DNAH9: variants seen among roughly 807,000 people sequenced by gnomAD.
DNAH9 encodes dynein axonemal heavy chain 9.
In DNAH9, 345 loss-of-function variants were observed where a neutral mutation model predicts 471.6. That is an observed-to-expected ratio of 0.73 (90% confidence interval 0.67 to 0.80). The LOEUF (loss-of-function observed/expected upper bound fraction) is 0.80. Ranked by LOEUF, DNAH9 falls within the 30% of genes least tolerant of loss-of-function variation. DNAH9 has a pLI of 0.00. For synonymous variants in DNAH9, 2,093 were observed against 2,123.6 expected, an observed-to-expected ratio of 0.99 and a Z score of 0.40; for missense variants, 5,407 against 5,609.2, an observed-to-expected ratio of 0.96 and a Z score of 1.15.
chr17:11,732,455 A>G (rs1391364134), intron 28 of DNAH9, among the ~76,000 whole-genome samples: 1 of 151,962 alleles, frequency 6.6e-6, no homozygotes, highest in African/African-American at 2.4e-5. Flanking sequence ...AGCTGCTGAC[A>G]GTTCTCCACC....
At chr17:11,608,709 A>T (rs773340313) in intron 2 of DNAH9, among the ~76,000 whole-genome samples, 1 of 152,216 alleles carries the variant, frequency 6.6e-6, no homozygotes, top group Non-Finnish European at 1.5e-5. Flanking sequence ...TACTCAGTAC[A>T]TAATGTCACA....
At chr17:11,885,739 T>C (rs1972859496) in intron 56 of DNAH9, among the ~76,000 whole-genome samples, 1 of 152,154 alleles carries the variant, frequency 6.6e-6, no homozygotes, top group Non-Finnish European at 1.5e-5. Context: ...TCTCAGTTCA[T>C]GAGATGCTAA....
intron 50 of DNAH9, among the ~76,000 whole-genome samples, chr17:11,866,902 G>A (rs185445501): frequency 5.3e-5 from 8 of 152,302 alleles, no homozygotes; most frequent in East Asian, 1.9e-4. Context: ...GGAGTGACCC[G>A]ATTTTCCAGG....
intron 19 of DNAH9, among the ~76,000 whole-genome samples, chr17:11,688,172 C>T (rs546866084): frequency 4.7e-5 from 7 of 148,810 alleles, no homozygotes; most frequent in South Asian, 2.1e-4. Context: ...TATGCAGGAA[C>T]GCATGCTTTG....
rs187338643 is a variant in DNAH9, at chr17:11,853,696, G to A, written c.9508-307G>A. Among the ~76,000 whole-genome samples, 138 of 152,304 alleles carry A rather than the reference G, an allele frequency of 9.1e-4. 1 individual carries two copies. The highest frequency in any genetic ancestry group is 6.8e-3 in the Middle Eastern group (2 of 294). On this transcript the variant is annotated intron_variant, in intron 49 of 68. Coordinates refer to ENST00000262442, the MANE Select transcript of DNAH9 (RefSeq NM_001372.4). Reference sequence around the variant, plus strand: ...TTCATAGCATGCTGCATATTTCAGAGTATGTCGGCATCCTTGTATTTCTCA... The same window carrying A: ...TTCATAGCATGCTGCATATTTCAGAATATGTCGGCATCCTTGTATTTCTCA...
intron 26 of DNAH9, among the ~76,000 whole-genome samples, chr17:11,713,637 G>A (rs1223913385): frequency 3.3e-5 from 5 of 150,240 alleles, no homozygotes; most frequent in Non-Finnish European, 7.5e-5. Context: ...TATGGACCAT[G>A]CATTTGGTGT....
intron 53 of DNAH9, among the ~76,000 whole-genome samples, chr17:11,876,775 A>G (rs1490841081): frequency 6.6e-6 from 1 of 152,120 alleles, no homozygotes; most frequent in African/African-American, 2.4e-5. Context: ...GCTGGAGTGC[A>G]GTGGTGCGAT....
chr17:11,912,475 G>C (rs537554427), intron 61 of DNAH9, among the ~76,000 whole-genome samples: 1 of 152,238 alleles, frequency 6.6e-6, no homozygotes, highest in East Asian at 1.9e-4. Context: ...GATTGAGAAA[G>C]TTGCCTTTTA....
intron 33 of DNAH9, among the ~76,000 whole-genome samples, chr17:11,755,527 G>A (rs951634203): frequency 2.6e-5 from 4 of 152,030 alleles, no homozygotes; most frequent in Non-Finnish European, 5.9e-5. Context: ...TTTTTGTAGG[G>A]ATCTTTCATG....
chr17:11,747,807 T>TC, intron 32 of DNAH9, 41 bp downstream of exon 32: 1 of 1,551,224 alleles, frequency 6.4e-7, no homozygotes, highest in Non-Finnish European at 8.9e-7. Flanking sequence ...TCTGCTAGCC[T>TC]CAGAGTCCCT....
intron 50 of DNAH9, among the ~76,000 whole-genome samples, chr17:11,855,997 C>T (rs1262633749): frequency 6.6e-6 from 1 of 152,104 alleles, no homozygotes; most frequent in African/African-American, 2.4e-5. Flanking sequence ...AGACTAGAGC[C>T]CAGCCCATGA....
At chr17:11,864,290 A>C (rs958284842) in intron 50 of DNAH9, among the ~76,000 whole-genome samples, 1 of 152,004 alleles carries the variant, frequency 6.6e-6, no homozygotes, top group East Asian at 1.9e-4. Context: ...CCCAGTAGTC[A>C]TTCAGGAGCA....
intron 8 of DNAH9, among the ~76,000 whole-genome samples, chr17:11,633,606 T>C (rs2073108243): frequency 1.3e-5 from 2 of 152,262 alleles, no homozygotes; most frequent in South Asian, 2.1e-4. Context: ...TAATTCACAT[T>C]GGAAGCCTTT....
At chr17:11,706,766 T>C (rs1248694578) in intron 26 of DNAH9, among the ~76,000 whole-genome samples, 2 of 152,206 alleles carry the variant, frequency 1.3e-5, no homozygotes, top group Non-Finnish European at 1.5e-5. Context: ...ACAGCATTCA[T>C]TAATTGTTAA....
chr17:11,902,613 A>G, intron 59 of DNAH9, 106 bp from the exon 60 acceptor site: 1 of 1,051,204 alleles, frequency 9.5e-7, no homozygotes, highest in Admixed American at 2.3e-5. Context: ...AGTATAAATG[A>G]GACAGAATTG....
In DNAH9 at chr17:11,732,835, T is replaced by C. The variant is rs1393915579; in HGVS notation, c.5814+4913T>C. 2.0e-5 allele frequency among the ~76,000 whole-genome samples: 3 copies of C among 152,146 alleles called. No individual in the cohort carries two copies. The East Asian group carries it at 5.8e-4, about 30-fold the overall frequency. On this transcript the variant is annotated intron_variant, in intron 28 of 68. Transcript: ENST00000262442. ...CTGTGGCCAGGCCTTCCTGGCACTT[T>C]CTTCTCTTCCCTGCATTACAAGCCC...
At chr17:11,652,039 G>A (rs1032709802) in intron 13 of DNAH9, among the ~76,000 whole-genome samples, 1 of 152,016 alleles carries the variant, frequency 6.6e-6, no homozygotes, top group Non-Finnish European at 1.5e-5. Flanking sequence ...GTCTTAGAAT[G>A]CCATATTAAA....
At chr17:11,947,838 G>A (rs924780142) in intron 67 of DNAH9, among the ~76,000 whole-genome samples, 4 of 139,130 alleles carry the variant, frequency 2.9e-5, no homozygotes, top group South Asian at 2.3e-4. Flanking sequence ...CTGGAGTGCA[G>A]TAGTGCGATC....
intron 56 of DNAH9, among the ~76,000 whole-genome samples, chr17:11,885,407 T>C (rs1186361326): frequency 1.3e-5 from 2 of 152,222 alleles, no homozygotes; most frequent in Non-Finnish European, 2.9e-5. Flanking sequence ...TAAACCATGC[T>C]GGGAAAATTG....
Sources: allele counts gnomAD v4.1 joint callset (sites outside exome capture counted in the v4.1 genomes callset), GRCh38; gene constraint gnomAD v4.1.1; transcripts MANE v1.5; gene names NCBI Gene and HGNC (gene_info 2026-07-23, HGNC 2026-07-21).